ANKMY1: variants seen among roughly 807,000 people sequenced by gnomAD.
The protein encoded by ANKMY1 is ankyrin repeat and MYND domain-containing protein 1.
Under a neutral mutation model 102.0 loss-of-function variants are expected in ANKMY1, and 98 were observed. The observed-to-expected ratio is 0.96, with a 90% CI of 0.82 to 1.14. The LOEUF (loss-of-function observed/expected upper bound fraction) is 1.14. ANKMY1 is among the 50% of genes most tolerant of loss of function. The pLI is 0.00. For synonymous variants in ANKMY1, 582 were observed against 559.9 expected (o/e 1.04, Z -0.56); for missense variants, 1,330 against 1,347.6 (o/e 0.99, Z 0.20).
chr2:240,555,533 G>A (rs2092232414), intron 2 of ANKMY1: 1 of 174,186 alleles, frequency 5.7e-6, no homozygotes, highest in Admixed American at 5.5e-5. Context: ...GCTCATACTA[G>A]GATGGACAGG....
chr2:240,496,974 G>A (rs1398953001), intron 15 of ANKMY1, among the ~76,000 whole-genome samples: 3 of 152,204 alleles, frequency 2.0e-5, no homozygotes, highest in Admixed American at 6.5e-5. Flanking sequence ...ATTGCTGGCA[G>A]ATTATAGTTT....
chr2:240,500,340 G>A (rs1462939480), intron 14 of ANKMY1, 112 bp downstream of exon 14: 41 of 1,255,278 alleles, frequency 3.3e-5, no homozygotes, highest in South Asian at 2.0e-4. Context: ...CTCTGGGGGC[G>A]GCGCTAGGAA....
In ANKMY1 at chr2:240,506,983, C is replaced by T. The variant is rs1317342390; in HGVS notation, c.2526+577G>A. On this transcript the variant is annotated intron_variant, in intron 13 of 17. Transcript: ENST00000401804. This position sits in a 1 kb window ranked among gnomAD's most constrained non-coding sequence, Gnocchi z 4.9. ...GTGGCCAGGAGACAATGCCCCAAAC[C>T]CCCGCCCAGCAGCTGCGTGGACCAC... Among the ~76,000 whole-genome samples, 2 of 152,058 alleles carry T rather than the reference C, an allele frequency of 1.3e-5. No individual in the cohort carries two copies. Among genetic ancestry groups the T allele is most frequent in the African/African-American group, 4.8e-5 (2 of 41,410 alleles).
At chr2:240,536,113 C>T (rs1347481047) in intron 4 of ANKMY1, among the ~76,000 whole-genome samples, 9 of 151,630 alleles carry the variant, frequency 5.9e-5, no homozygotes, top group South Asian at 2.1e-4. Flanking sequence ...AACCATGGGT[C>T]GAGAGGAAAT....
At chr2:240,484,637 G>A (rs1046812884) in intron 15 of ANKMY1, among the ~76,000 whole-genome samples, 1 of 152,104 alleles carries the variant, frequency 6.6e-6, no homozygotes, top group African/African-American at 2.4e-5. Flanking sequence ...CAGGACATAG[G>A]CATAGGCAAA....
upstream of ANKMY1, chr2:240,558,649 G>T (rs548218470): frequency 1.3e-5 from 2 of 152,252 alleles, no homozygotes; most frequent in Non-Finnish European, 2.9e-5. Context: ...TCTTGGAGGT[G>T]CAGGGCTTGC....
chr2:240,530,865 A>T (rs914768233), intron 4 of ANKMY1, among the ~76,000 whole-genome samples: 6 of 152,060 alleles, frequency 3.9e-5, no homozygotes, highest in Non-Finnish European at 8.8e-5. Context: ...GTGAGCTATG[A>T]TCACACCACT....
chr2:240,501,894 G>A (rs2078245976), intron 13 of ANKMY1, among the ~76,000 whole-genome samples: 1 of 152,202 alleles, frequency 6.6e-6, no homozygotes, highest in Non-Finnish European at 1.5e-5. Context: ...TCCTGAGGAT[G>A]GAGCCAGCCA....
chr2:240,497,461 G>C (rs2077411135), intron 15 of ANKMY1, among the ~76,000 whole-genome samples: 1 of 152,222 alleles, frequency 6.6e-6, no homozygotes, highest in South Asian at 2.1e-4. Context: ...AAGGAAGGTA[G>C]ACCTTGGTTT....
At chr2:240,532,394 C>T (rs1337445031) in intron 4 of ANKMY1, among the ~76,000 whole-genome samples, 2 of 152,190 alleles carry the variant, frequency 1.3e-5, no homozygotes, top group African/African-American at 4.8e-5. Context: ...TCTTCAAATA[C>T]ACATTCAAAT....
chr2:240,507,624 GCA>G lies in ANKMY1; in HGVS notation c.2460_2461del (p.Ala821ProfsTer6). 6.2e-7 allele frequency: 1 copy of G among 1,611,942 alleles called. No individual in the cohort carries two copies. Among genetic ancestry groups the G allele is most frequent in the Non-Finnish European group, 8.5e-7 (1 of 1,178,938 alleles). On this transcript the variant is annotated frameshift_variant, in exon 13 of 18. Coordinates refer to ENST00000401804, the MANE Select transcript of ANKMY1 (RefSeq NM_001282771.3). LOFTEE classifies it high-confidence loss of function. ...GGTCAGGTCACAGGCAACACACAGG[GCA>G]CTGCCCAAGCCTTTGGTCAGGGGCA...
At chr2:240,509,205 GTGGATGGGTGGATGGATGAATGGATGGA>G in intron 12 of ANKMY1, 115 bp downstream of exon 12, 1 of 640,984 alleles carries the variant, frequency 1.6e-6, no homozygotes, top group Non-Finnish European at 2.6e-6. Context: ...GGGTGGGTGA[GTGGATGGGTGGATGGATGAATGGATGGA>G]TGGATGGATG....
At chr2:240,483,779 G>A (rs538361151) in intron 15 of ANKMY1, among the ~76,000 whole-genome samples, 10 of 152,222 alleles carry the variant, frequency 6.6e-5, no homozygotes, top group Admixed American at 4.6e-4. Context: ...GTGGTTTGCT[G>A]CACCCATCAA....
chr2:240,507,423 C>T, intron 13 of ANKMY1, 137 bp downstream of exon 13: 1 of 1,068,718 alleles, frequency 9.4e-7, no homozygotes, highest in Non-Finnish European at 1.3e-6. Context: ...GCCACCCAGC[C>T]CTTATACCCC....
intron 4 of ANKMY1, among the ~76,000 whole-genome samples, chr2:240,552,094 T>C (rs1050877442): frequency 6.6e-6 from 1 of 152,220 alleles, no homozygotes; most frequent in Non-Finnish European, 1.5e-5. Context: ...TTCCTTGATA[T>C]ATAAACCCCT....
rs1002596696 is a variant in ANKMY1, at chr2:240,506,210, G to A, written c.2526+1350C>T. ...TCTGTATGTTCAAGGCACATTCAGC[G>A]TCCACACACAACAACGCTGCCCCCT... On this transcript the variant is annotated intron_variant, in intron 13 of 17. Transcript: ENST00000401804. This position sits in a 1 kb window ranked among gnomAD's most constrained non-coding sequence, Gnocchi z 4.9. 1.3e-5 allele frequency among the ~76,000 whole-genome samples: 2 copies of A among 152,182 alleles called. No homozygotes were observed.
At chr2:240,518,053 G>A (rs757846429) in intron 9 of ANKMY1, among the ~76,000 whole-genome samples, 9 of 152,182 alleles carry the variant, frequency 5.9e-5, no homozygotes, top group African/African-American at 9.7e-5. Context: ...GCAGCGAGAC[G>A]GATGCGTGGC....
chr2:240,544,481 G>C (rs936207726), intron 4 of ANKMY1, among the ~76,000 whole-genome samples: 2 of 152,174 alleles, frequency 1.3e-5, no homozygotes, highest in African/African-American at 4.8e-5. Flanking sequence ...AAAGTTAAAG[G>C]TCTTACTCTT....
intron 15 of ANKMY1, among the ~76,000 whole-genome samples, chr2:240,489,093 A>G (rs1194291878): frequency 6.6e-6 from 1 of 152,126 alleles, no homozygotes; most frequent in Non-Finnish European, 1.5e-5. Context: ...TGATGATGTT[A>G]GCTGTGGGCT....
Sources: allele counts gnomAD v4.1 joint callset (sites outside exome capture counted in the v4.1 genomes callset), GRCh38; gene constraint gnomAD v4.1.1; non-coding constraint Gnocchi (gnomAD v3.1); transcripts MANE v1.5; gene names NCBI Gene and HGNC (gene_info 2026-07-23, HGNC 2026-07-21).